The following DAAM1 variants were observed in gnomAD, a reference collection of about 807,000 sequenced individuals.
The protein encoded by DAAM1 is dishevelled associated activator of morphogenesis 1.
A neutral mutation model predicts 130.0 loss-of-function variants in DAAM1; 52 were observed. That is an observed-to-expected ratio of 0.40 (90% CI 0.32 to 0.50). The LOEUF is 0.50. Ranked by LOEUF, DAAM1 falls within the 20% of genes least tolerant of loss-of-function variation. The pLI, the probability that DAAM1 is intolerant of heterozygous loss-of-function variation, is 0.61. For synonymous variants in DAAM1, 452 were observed against 444.5 expected (o/e 1.02, Z -0.21); for missense variants, 1,134 against 1,303.8 (o/e 0.87, Z 2.01).
At chr14:59,211,599 A>C (rs1379987718) in intron 1 of DAAM1, among the ~76,000 whole-genome samples, 1 of 152,230 alleles carries the variant, frequency 6.6e-6, no homozygotes. Flanking sequence ...GCATCATTCA[A>C]ATGCCAGATG....
At chr14:59,199,683 T>C (rs17255388) in intron 1 of DAAM1, among the ~76,000 whole-genome samples, 3,144 of 152,344 alleles carry the variant, frequency 0.021, 68 homozygotes, top group Non-Finnish European at 0.027. Flanking sequence ...AAGGTTTATC[T>C]AGCAGTGGGC....
At chr14:59,330,714 G>T in intron 13 of DAAM1, 26 bp downstream of exon 13, 1 of 1,575,930 alleles carries the variant, frequency 6.3e-7, no homozygotes, top group Non-Finnish European at 8.6e-7. Context: ...CAGCTCACGG[G>T]CAGCTGCCAA....
chr14:59,243,440 G>C (rs1012966963), intron 1 of DAAM1, among the ~76,000 whole-genome samples: 15 of 152,154 alleles, frequency 9.9e-5, no homozygotes, highest in Non-Finnish European at 5.9e-5. Context: ...TGTATTACAA[G>C]GTTCTTCTAC....
intron 1 of DAAM1, among the ~76,000 whole-genome samples, chr14:59,225,592 T>A (rs771815497): frequency 1.3e-5 from 2 of 152,142 alleles, no homozygotes; most frequent in African/African-American, 2.4e-5. Flanking sequence ...CATTAGCTGG[T>A]GAGGACACCT....
At chr14:59,248,787 T>TTTTTG (rs1367825050) in intron 1 of DAAM1, among the ~76,000 whole-genome samples, 5 of 152,174 alleles carry the variant, frequency 3.3e-5, no homozygotes, top group South Asian at 2.1e-4. Context: ...ATCCCTCATT[T>TTTTTG]TTTTGTTTTG....
intron 2 of DAAM1, among the ~76,000 whole-genome samples, chr14:59,267,719 GTC>G (rs1405456472): frequency 1.3e-5 from 2 of 151,990 alleles, no homozygotes; most frequent in African/African-American, 4.8e-5. Flanking sequence ...TCTTCTTTGT[GTC>G]TCTGAGAATT....
chr14:59,359,235 A>G (rs1886609787), intron 20 of DAAM1, 162 bp from the exon 21 acceptor site: 2 of 545,554 alleles, frequency 3.7e-6, no homozygotes, highest in South Asian at 6.0e-5. Flanking sequence ...CCTGCCTTAC[A>G]TGATCCTCCA....
chr14:59,285,086 C>T (rs1028492991), intron 2 of DAAM1, among the ~76,000 whole-genome samples: 1 of 152,088 alleles, frequency 6.6e-6, no homozygotes, highest in Non-Finnish European at 1.5e-5. Flanking sequence ...ACAAAGGAAA[C>T]CCCATCAAGC....
intron 15 of DAAM1, among the ~76,000 whole-genome samples, chr14:59,332,983 G>T (rs1885499513): frequency 6.6e-6 from 1 of 152,012 alleles, no homozygotes; most frequent in Admixed American, 6.6e-5. Context: ...TGGTTTCCTT[G>T]GCTTAGTCCC....
At chr14:59,288,081 C>T (rs556777782) in intron 2 of DAAM1, among the ~76,000 whole-genome samples, 1 of 152,128 alleles carries the variant, frequency 6.6e-6, no homozygotes, top group Non-Finnish European at 1.5e-5. Flanking sequence ...GACACATAAA[C>T]CAATGGAACA....
chr14:59,337,116 GAATCTC>G (rs1885656300), intron 15 of DAAM1, among the ~76,000 whole-genome samples: 1 of 152,040 alleles, frequency 6.6e-6, no homozygotes, highest in Non-Finnish European at 1.5e-5. Context: ...AGTAAGAGCA[GAATCTC>G]TAAGTTCAAC....
intron 1 of DAAM1, among the ~76,000 whole-genome samples, chr14:59,239,500 C>T (rs1174020081): frequency 2.6e-5 from 4 of 152,192 alleles, no homozygotes; most frequent in Non-Finnish European, 4.4e-5. Context: ...GGTTCTCCAT[C>T]GGTTTCTTCC....
intron 17 of DAAM1, among the ~76,000 whole-genome samples, chr14:59,350,609 C>T (rs1886254403): frequency 6.6e-6 from 1 of 152,236 alleles, no homozygotes; most frequent in African/African-American, 2.4e-5. Context: ...GTCCTCCTCC[C>T]CTCCCTAGAG....
chr14:59,294,321 A>G (rs1883867825), intron 3 of DAAM1, among the ~76,000 whole-genome samples: 1 of 152,264 alleles, frequency 6.6e-6, no homozygotes, highest in African/African-American at 2.4e-5. Flanking sequence ...CTCAGTGTTC[A>G]TTTATGAAAC....
At chr14:59,203,158 A>ATTTT (rs57437992) in intron 1 of DAAM1, among the ~76,000 whole-genome samples, 5 of 108,114 alleles carry the variant, frequency 4.6e-5, no homozygotes, top group Admixed American at 1.1e-4. Context: ...CTTCTGGCTA[A>ATTTT]TTTTTTTTTT....
At chr14:59,247,481 T>A (rs1881439247) in intron 1 of DAAM1, among the ~76,000 whole-genome samples, 1 of 152,216 alleles carries the variant, frequency 6.6e-6, no homozygotes, top group Admixed American at 6.5e-5. Flanking sequence ...TTAGATAGTG[T>A]TGTCATCGTA....
intron 1 of DAAM1, among the ~76,000 whole-genome samples, chr14:59,232,699 C>T (rs1429279157): frequency 6.7e-6 from 1 of 150,324 alleles, no homozygotes. Flanking sequence ...CATAGGTATA[C>T]ATGTGCCATG....
At chr14:59,338,521 A>G (rs1885714383) in intron 15 of DAAM1, 10 of 1,289,164 alleles carry the variant, frequency 7.8e-6, no homozygotes, top group East Asian at 4.8e-5. Flanking sequence ...GTTTTTTTAC[A>G]TAGTGTAATC....
At chr14:59,349,702 C>T (rs4901917) in intron 17 of DAAM1, among the ~76,000 whole-genome samples, 96,769 of 152,074 alleles carry the variant, frequency 0.64, 31,273 homozygotes, top group East Asian at 0.85. Flanking sequence ...CGCTCTTCTT[C>T]CTCGGAACAC....
Sources: allele counts gnomAD v4.1 joint callset (sites outside exome capture counted in the v4.1 genomes callset), GRCh38; gene constraint gnomAD v4.1.1; transcripts MANE v1.5; gene names NCBI Gene and HGNC (gene_info 2026-07-23, HGNC 2026-07-21).